The following NTM variants were observed in gnomAD, a reference collection of about 807,000 sequenced individuals.
The protein encoded by NTM is IgLON family member 2.
Under a neutral mutation model 42.1 loss-of-function variants are expected in NTM, and 13 were observed. The observed-to-expected ratio is 0.31, with a 90% CI of 0.20 to 0.49. NTM has a LOEUF of 0.49. NTM is among the 20% of genes least tolerant of loss of function. NTM has a pLI of 0.99. For missense variants in NTM, 373 were observed against 452.8 expected (o/e 0.82, Z 1.60); for synonymous variants, 187 against 179.2 (o/e 1.04, Z -0.35).
chr11:131,983,324 TAACA>T (rs770436385), intron 2 of NTM, among the ~76,000 whole-genome samples: 11 of 150,506 alleles, frequency 7.3e-5, no homozygotes, highest in Admixed American at 2.0e-4. Flanking sequence ...AATAAAAACA[TAACA>T]AACCTCATTT....
chr11:131,782,469 T>C (rs2088341286), intron 1 of NTM, among the ~76,000 whole-genome samples: 1 of 151,328 alleles, frequency 6.6e-6, no homozygotes, highest in Non-Finnish European at 1.5e-5. Flanking sequence ...TTTCAGAAAA[T>C]AGAGAAAAAA....
intron 1 of NTM, among the ~76,000 whole-genome samples, chr11:131,728,221 T>G (rs562269675): frequency 2.0e-5 from 3 of 152,328 alleles, no homozygotes; most frequent in Admixed American, 6.5e-5. Context: ...TCCTACCTGT[T>G]GAGGGCTCTC....
At chr11:131,696,407 G>A (rs1314579536) in intron 1 of NTM, among the ~76,000 whole-genome samples, 1 of 152,144 alleles carries the variant, frequency 6.6e-6, no homozygotes, top group African/African-American at 2.4e-5. Context: ...TACTTACTAG[G>A]CTCCAAAGAG....
intron 2 of NTM, among the ~76,000 whole-genome samples, chr11:132,134,455 G>A (rs2137122785): frequency 6.6e-6 from 1 of 151,878 alleles, no homozygotes; most frequent in South Asian, 2.1e-4. Flanking sequence ...TACCCAAGGT[G>A]TTGTCTTTTA....
chr11:131,938,827 G>A (rs1180731591), intron 2 of NTM, among the ~76,000 whole-genome samples: 1 of 152,056 alleles, frequency 6.6e-6, no homozygotes, highest in Non-Finnish European at 1.5e-5. Context: ...TGAGAGAGTG[G>A]AAAAAATCCA....
intron 2 of NTM, among the ~76,000 whole-genome samples, chr11:132,093,571 A>T (rs1295766163): frequency 1.3e-5 from 2 of 152,158 alleles, no homozygotes; most frequent in East Asian, 1.9e-4. Context: ...TAACACACAC[A>T]CATACACATT....
chr11:131,966,275 C>T (rs1424073934), intron 2 of NTM, among the ~76,000 whole-genome samples: 1 of 152,098 alleles, frequency 6.6e-6, no homozygotes, highest in Admixed American at 6.5e-5. Flanking sequence ...AGTAAAGGCA[C>T]AGCTATGAAT....
chr11:131,535,406 T>C (rs780974825), intron 1 of NTM: 3 of 152,230 alleles, frequency 2.0e-5, no homozygotes, highest in Non-Finnish European at 4.4e-5. Flanking sequence ...CATTAGGGGC[T>C]ATGGGAAGAG....
intron 1 of NTM, among the ~76,000 whole-genome samples, chr11:131,842,067 C>T (rs1457154091): frequency 1.1e-4 from 16 of 152,198 alleles, no homozygotes; most frequent in Admixed American, 9.8e-4. Context: ...CAACTTGCAC[C>T]ACATGAGCGA....
chr11:131,634,656 A>T (rs1356363456), intron 1 of NTM, among the ~76,000 whole-genome samples: 1 of 149,972 alleles, frequency 6.7e-6, no homozygotes, highest in Non-Finnish European at 1.5e-5. Context: ...AAGAAAAAAG[A>T]GTGAGCTTCT....
At chr11:132,270,816 T>C (rs1198738988) in intron 4 of NTM, among the ~76,000 whole-genome samples, 1 of 152,148 alleles carries the variant, frequency 6.6e-6, no homozygotes, top group East Asian at 1.9e-4. Flanking sequence ...TTTGGAATTG[T>C]GCTTTGTGTA....
At chr11:132,115,564 AT>A (rs1261804777) in intron 2 of NTM, among the ~76,000 whole-genome samples, 1 of 152,178 alleles carries the variant, frequency 6.6e-6, no homozygotes, top group Non-Finnish European at 1.5e-5. Context: ...TTCCAGAGGA[AT>A]TTGGGAAAGA....
intron 1 of NTM, among the ~76,000 whole-genome samples, chr11:131,761,912 G>A (rs74377496): frequency 6.6e-6 from 1 of 151,810 alleles, no homozygotes; most frequent in Non-Finnish European, 1.5e-5. Flanking sequence ...TCCTCTCTCT[G>A]TCTCTCTCTT....
intron 1 of NTM, chr11:131,660,972 T>C: frequency 7.7e-7 from 1 of 1,304,224 alleles, no homozygotes; most frequent in Non-Finnish European, 1.0e-6. Context: ...CAAAGTTGGA[T>C]GTTTTTAAAG....
chr11:132,113,372 A>T (rs1011701913), intron 2 of NTM, among the ~76,000 whole-genome samples: 1 of 152,198 alleles, frequency 6.6e-6, no homozygotes, highest in Non-Finnish European at 1.5e-5. Context: ...GAGGAAAGCT[A>T]TCTTAACATC....
intron 1 of NTM, among the ~76,000 whole-genome samples, chr11:131,541,153 T>C (rs965579489): frequency 1.3e-5 from 2 of 152,154 alleles, no homozygotes; most frequent in African/African-American, 4.8e-5. Context: ...GTCCACCCTT[T>C]CCACTAAATG....
intron 1 of NTM, among the ~76,000 whole-genome samples, chr11:131,635,075 G>T (rs551803103): frequency 6.6e-6 from 1 of 152,306 alleles, no homozygotes; most frequent in Non-Finnish European, 1.5e-5. Context: ...ACTTGCTATT[G>T]CCTAGTGCTG....
At chr11:131,536,218 C>A (rs1481527078) in intron 1 of NTM, 1 of 152,198 alleles carries the variant, frequency 6.6e-6, no homozygotes, top group African/African-American at 2.4e-5. Flanking sequence ...GTGCAAGGTA[C>A]TTGTACCCCT....
chr11:131,792,230 A>G (rs1259211528), intron 1 of NTM, among the ~76,000 whole-genome samples: 1 of 152,212 alleles, frequency 6.6e-6, no homozygotes, highest in Non-Finnish European at 1.5e-5. Flanking sequence ...TAAAAAATAA[A>G]AATTAAAAAA....
Sources: gnomAD v4.1 joint callset for allele counts (sites outside exome capture counted in the v4.1 genomes callset) on GRCh38, gnomAD v4.1.1 for gene constraint, MANE v1.5 for transcripts, NCBI Gene and HGNC (gene_info 2026-07-23, HGNC 2026-07-21) for gene names.